Variants in ARHGEF28 observed in about 807,000 individuals in gnomAD.
ARHGEF28 encodes 190 kDa guanine nucleotide exchange factor.
A neutral mutation model predicts 206.6 loss-of-function variants in ARHGEF28; 152 were observed. The observed-to-expected ratio is 0.74, with a 90% CI of 0.64 to 0.84. The LOEUF is 0.84. Ranked by LOEUF, ARHGEF28 falls within the 40% of genes least tolerant of loss-of-function variation. The probability of loss-of-function intolerance (pLI) is 0.00; values close to 1 mark genes in which losing one functional copy is unlikely to be tolerated. For synonymous variants in ARHGEF28, 763 were observed against 776.4 expected (o/e 0.98, Z 0.29); for missense variants, 2,028 against 2,073.2 (o/e 0.98, Z 0.42).
intron 9 of ARHGEF28, among the ~76,000 whole-genome samples, chr5:73,818,094 T>C (rs1175694209): frequency 2.0e-5 from 3 of 151,916 alleles, no homozygotes; most frequent in Non-Finnish European, 2.9e-5. Context: ...AGAGGATAAA[T>C]TGGGAAAAGA....
intron 2 of ARHGEF28, among the ~76,000 whole-genome samples, chr5:73,728,082 G>A (rs1471649816): frequency 6.6e-6 from 1 of 152,198 alleles, no homozygotes; most frequent in Non-Finnish European, 1.5e-5. Flanking sequence ...AGTTCGTCTT[G>A]TTAGTGTTGG....
intron 6 of ARHGEF28, among the ~76,000 whole-genome samples, chr5:73,777,409 C>T (rs1753602186): frequency 6.6e-6 from 1 of 152,122 alleles, no homozygotes; most frequent in Non-Finnish European, 1.5e-5. Flanking sequence ...GATCCTATGG[C>T]CTCCTGTGTT....
chr5:73,846,264 T>C lies in ARHGEF28; in HGVS notation c.1428-4T>C, dbSNP rs1180503230. 6.2e-7 allele frequency: 1 copy of C among 1,612,918 alleles called. No individual in the cohort carries two copies. The highest frequency in any genetic ancestry group is 8.5e-7 in the Non-Finnish European group (1 of 1,179,548). On this transcript the variant is annotated splice_region_variant and splice_polypyrimidine_tract_variant and intron_variant, in intron 11 of 35. Transcript: ENST00000513042. ...TTTACTTACTTGCTGGCTTTGTGCTTTAGTTCTAGCCTTGATGCCTTGGAC... is the reference window on the plus strand; with the variant it reads ...TTTACTTACTTGCTGGCTTTGTGCTCTAGTTCTAGCCTTGATGCCTTGGAC...
intron 9 of ARHGEF28, among the ~76,000 whole-genome samples, chr5:73,822,176 A>T (rs1036108692): frequency 5.9e-5 from 9 of 152,148 alleles, no homozygotes; most frequent in African/African-American, 2.2e-4. Context: ...TCCGGGGGGA[A>T]GGAGGAGCTG....
At chr5:73,630,054 A>T (rs1333248389) in intron 1 of ARHGEF28, among the ~76,000 whole-genome samples, 2 of 152,220 alleles carry the variant, frequency 1.3e-5, no homozygotes, top group Admixed American at 1.3e-4. Context: ...TCTAGTGGCA[A>T]GCTTTGTGTG....
chr5:73,641,229 A>G (rs930008661), intron 1 of ARHGEF28, among the ~76,000 whole-genome samples: 3 of 152,218 alleles, frequency 2.0e-5, no homozygotes, highest in Non-Finnish European at 4.4e-5. Context: ...GTGTAAGTAC[A>G]TCTGTCATAT....
At chr5:73,637,985 T>C (rs1307743269) in intron 1 of ARHGEF28, among the ~76,000 whole-genome samples, 1 of 152,232 alleles carries the variant, frequency 6.6e-6, no homozygotes, top group Admixed American at 6.5e-5. Context: ...ATTGTAAATA[T>C]GCATCTGCTC....
chr5:73,741,417 ATATATATATATATATATATATATATG>A (rs1751421519), intron 2 of ARHGEF28, among the ~76,000 whole-genome samples: 3 of 42,508 alleles, frequency 7.1e-5, no homozygotes, highest in Non-Finnish European at 1.4e-4. Context: ...ATATATATAT[ATATATATATATATATATATATATATG>A]TATACTCACT....
chr5:73,680,434 CAAAA>C (rs71615795), intron 1 of ARHGEF28, among the ~76,000 whole-genome samples: 4 of 30,512 alleles, frequency 1.3e-4, no homozygotes, highest in Admixed American at 5.6e-4. Flanking sequence ...GACTCCATCT[CAAAA>C]AAAAAAAAAA....
intron 35 of ARHGEF28, among the ~76,000 whole-genome samples, chr5:73,939,475 C>T (rs1417380236): frequency 1.3e-5 from 2 of 152,182 alleles, no homozygotes; most frequent in African/African-American, 4.8e-5. Flanking sequence ...AGCCTCACCC[C>T]CATGCCTCCC....
chr5:73,727,390 C>A (rs1750335228), intron 2 of ARHGEF28, among the ~76,000 whole-genome samples: 1 of 152,126 alleles, frequency 6.6e-6, no homozygotes, highest in African/African-American at 2.4e-5. Context: ...ATATACATAT[C>A]CACTGTAAGT....
chr5:73,885,802 G>T, intron 24 of ARHGEF28, 48 bp from the exon 25 acceptor site: 1 of 1,548,392 alleles, frequency 6.5e-7, no homozygotes, highest in African/African-American at 1.4e-5. Context: ...TTAGTACTCT[G>T]GTTTATTGTA....
chr5:73,732,034 T>TA (rs1241323413), intron 2 of ARHGEF28, among the ~76,000 whole-genome samples: 8 of 145,720 alleles, frequency 5.5e-5, no homozygotes, highest in Admixed American at 2.7e-4. Context: ...TTTTTTTTTT[T>TA]AACAATTGAT....
At position 73,753,112 on chromosome 5, in the gene ARHGEF28, C is replaced by T; in HGVS notation, c.385C>T (p.Leu129=). The T allele has an allele frequency of 3.8e-6, 6 of 1,591,686 alleles. No homozygotes were observed. The highest frequency in any genetic ancestry group is 5.1e-6 in the Non-Finnish European group (6 of 1,168,946). ...CCCATTTGCCTTGACGGCAGGAGCA[C>T]TGCCTGCCTTGGATGAGGAGCTCGT... ...LTPFALTAGA[L]PALDEELVLA... is the part of the protein sequence containing the mutation. The change falls in exon 4 of 36, where the codon CTG becomes TTG. Residue 129 remains leucine (L), a synonymous_variant. Transcript: ENST00000513042.
intron 4 of ARHGEF28, among the ~76,000 whole-genome samples, chr5:73,769,523 G>A (rs1753100464): frequency 6.6e-6 from 1 of 152,074 alleles, no homozygotes; most frequent in Admixed American, 6.5e-5. Flanking sequence ...TTCCTTCTGT[G>A]TTAATCTGTA....
intron 34 of ARHGEF28, among the ~76,000 whole-genome samples, chr5:73,910,717 A>T (rs1329820918): frequency 6.6e-6 from 1 of 152,224 alleles, no homozygotes; most frequent in Non-Finnish European, 1.5e-5. Flanking sequence ...TAAATTTGAT[A>T]TAGTAAATTC....
chr5:73,730,944 G>C (rs1047709385), intron 2 of ARHGEF28, among the ~76,000 whole-genome samples: 2 of 150,716 alleles, frequency 1.3e-5, no homozygotes, highest in African/African-American at 2.4e-5. Flanking sequence ...TATGTACTGA[G>C]CTAGATTTTT....
At chr5:73,802,085 A>G (rs2112499324) in intron 9 of ARHGEF28, among the ~76,000 whole-genome samples, 1 of 152,354 alleles carries the variant, frequency 6.6e-6, no homozygotes, top group South Asian at 2.1e-4. Context: ...ATGAAAGTCC[A>G]TTTGTATTAG....
chr5:73,855,353 A>G (rs1188797172), intron 14 of ARHGEF28, among the ~76,000 whole-genome samples: 1 of 152,204 alleles, frequency 6.6e-6, no homozygotes, highest in Non-Finnish European at 1.5e-5. Flanking sequence ...TTAAGTTTTC[A>G]TATTTCATAA....
Sources: gnomAD v4.1 joint callset for allele counts (sites outside exome capture counted in the v4.1 genomes callset) on GRCh38, gnomAD v4.1.1 for gene constraint, MANE v1.5 for transcripts, NCBI Gene and HGNC (gene_info 2026-07-23, HGNC 2026-07-21) for gene names.